The following GALC variants were observed in gnomAD, a reference collection of about 807,000 sequenced individuals.
The protein encoded by GALC is galactosylceramidase, also known as galactocerebrosidase.
A neutral mutation model predicts 91.8 loss-of-function variants in GALC; 77 were observed. The ratio of observed to expected loss-of-function variants is 0.84; its 90% CI spans 0.70 to 1.01. The LOEUF (loss-of-function observed/expected upper bound fraction) is 1.01. Ranked by LOEUF, GALC falls within the 50% of genes least tolerant of loss-of-function variation. The pLI, the probability that GALC is intolerant of heterozygous loss-of-function variation, is 0.00. For missense variants in GALC, 882 were observed against 855.9 expected (o/e 1.03, Z -0.38); for synonymous variants, 357 against 306.7 (o/e 1.16, Z -1.71).
intron 10 of GALC, among the ~76,000 whole-genome samples, chr14:87,957,101 T>G (rs1254554272): frequency 6.6e-6 from 1 of 152,088 alleles, no homozygotes; most frequent in Non-Finnish European, 1.5e-5. Context: ...CCTGCCACTT[T>G]TTAATGGGAT....
At position 87,933,875 on chromosome 14, in the gene GALC, T is replaced by A; in HGVS notation, c.*857A>T. 1 of 932,110 alleles carries A rather than the reference T, an allele frequency of 1.1e-6. No individual in the cohort carries two copies. The highest frequency in any genetic ancestry group is 1.6e-6 in the Non-Finnish European group (1 of 609,948). The allele number at this position is 932,110 out of a possible 1,614,324, so 57.7% of individuals were successfully genotyped here. On this transcript the variant is annotated 3_prime_UTR_variant, in exon 17 of 17. Transcript: ENST00000261304. ...TCCACACATAAGGAGAGAAAAGCAT[T>A]CATCAGCTGTGTGAGTCTGTTACCA...
chr14:87,990,084 T>G (rs75702133), intron 1 of GALC, among the ~76,000 whole-genome samples: 17,203 of 152,218 alleles, frequency 0.11, 1,142 homozygotes, highest in Non-Finnish European at 0.16. Flanking sequence ...ACTGATTTGA[T>G]GTAAGCGCCT....
At chr14:87,980,468 A>G in intron 6 of GALC, 1 of 977,000 alleles carries the variant, frequency 1.0e-6, no homozygotes, top group Non-Finnish European at 1.2e-6. Flanking sequence ...TGTCTAATCC[A>G]TCTTTCATGA....
Position 87,933,778 on chromosome 14 carries a change from T to C in GALC, c.*954A>G, listed in dbSNP as rs1884455605. ...TATTTAAATATAAACATATTTGGAC[T>C]TTAAAAAGTAAGTACATCTTAGGAG... On this transcript the variant is annotated 3_prime_UTR_variant, in exon 17 of 17. Transcript: ENST00000261304. The C allele has an allele frequency of 2.0e-6, 1 of 509,146 alleles. No homozygotes were observed. Among genetic ancestry groups the C allele is most frequent in the Non-Finnish European group, 3.5e-6 (1 of 287,140 alleles). 31.5% of individuals were successfully genotyped at this position (509,146 alleles called of 1,614,324 possible).
chr14:87,991,016 C>T (rs1887175437), intron 1 of GALC, among the ~76,000 whole-genome samples: 1 of 152,142 alleles, frequency 6.6e-6, no homozygotes, highest in South Asian at 2.1e-4. Flanking sequence ...GGTCTATCCT[C>T]ACGGCGCTCC....
At chr14:87,954,043 G>A in intron 10 of GALC, 3 of 1,609,764 alleles carry the variant, frequency 1.9e-6, no homozygotes, top group Non-Finnish European at 2.5e-6. Context: ...CAATGGGTTG[G>A]CGAGACAGTA....
chr14:87,954,345 C>G, intron 10 of GALC: 1 of 1,601,314 alleles, frequency 6.2e-7, no homozygotes. Context: ...AGGACAGAAG[C>G]AGAAAAAGTT....
chr14:87,953,565 G>A, intron 10 of GALC: 1 of 1,609,520 alleles, frequency 6.2e-7, no homozygotes, highest in Non-Finnish European at 8.5e-7. Context: ...GTATTGAGTT[G>A]TGTAGCTCAG....
chr14:87,947,706 A>C lies in GALC; in HGVS notation c.1489+22T>G, dbSNP rs1391435811. The C allele has an allele frequency of 8.1e-6, 13 of 1,607,040 alleles. No homozygotes were observed. In the Admixed American group the frequency reaches 2.0e-4, roughly 25 times the overall value. On this transcript the variant is annotated intron_variant, in intron 13 of 16. Coordinates refer to ENST00000261304, the MANE Select transcript of GALC (RefSeq NM_000153.4). ...ACTGTTAAATATAGAGACCAAGTTA[A>C]GTTTTAGTGAAAAATACTCACCAAC...
In GALC at chr14:87,948,263, T is replaced by A. The variant is rs114537719; in HGVS notation, c.1339-385A>T. Reference sequence around the variant, plus strand: ...TAATTTACTAAGGTAAAAAAATTCATAAAATATCACTGTCGACCCAGCTGT... The same window carrying A: ...TAATTTACTAAGGTAAAAAAATTCAAAAAATATCACTGTCGACCCAGCTGT... On this transcript the variant is annotated intron_variant, in intron 12 of 16. Coordinates refer to ENST00000261304, the MANE Select transcript of GALC (RefSeq NM_000153.4). Among the ~76,000 whole-genome samples, 680 of 152,182 alleles carry A rather than the reference T, an allele frequency of 4.5e-3. 4 individuals are homozygous for A. Among genetic ancestry groups the A allele is most frequent in the African/African-American group, 0.016 (644 of 41,548 alleles).
intron 1 of GALC, chr14:87,992,715 CACCTATACTCTCTGG>C (rs1887257968): frequency 1.7e-5 from 25 of 1,429,378 alleles, no homozygotes; most frequent in Non-Finnish European, 2.2e-5. Context: ...TTACTCTCTG[CACCTATACTCTCTGG>C]ACCTCCGGAT....
chr14:87,976,597 A>G lies in GALC; in HGVS notation c.622-109T>C. The G allele has an allele frequency of 3.3e-6, 3 of 921,134 alleles. No individual in the cohort carries two copies. In the South Asian group the frequency reaches 4.2e-5, roughly 13 times the overall value. The allele number at this position is 921,134 out of a possible 1,614,324, so 57.1% of individuals were successfully genotyped here. A position where few individuals can be genotyped will look rare whatever the true frequency, so the allele number is the denominator to read the frequency against. On this transcript the variant is annotated intron_variant, in intron 6 of 16. Transcript: ENST00000261304. ...TCTTTACAAATCAGCGTTCTGGATA[A>G]TAGCTTCTTTTGTTTGTTTGTTTGT...
At chr14:87,978,704 A>G (rs1886613797) in intron 6 of GALC, among the ~76,000 whole-genome samples, 1 of 149,086 alleles carries the variant, frequency 6.7e-6, no homozygotes, top group Non-Finnish European at 1.5e-5. Flanking sequence ...ATGAAGGTCC[A>G]AAGACCCAGG....
At chr14:87,960,519 C>A (rs186076388) in intron 10 of GALC, among the ~76,000 whole-genome samples, 10 of 152,126 alleles carry the variant, frequency 6.6e-5, no homozygotes. Flanking sequence ...TACCCTGTGT[C>A]AATAAAAAAT....
chr14:87,950,636 TA>T, intron 11 of GALC, 22 bp downstream of exon 11: 1 of 1,403,686 alleles, frequency 7.1e-7, no homozygotes, highest in Non-Finnish European at 1.0e-6. Context: ...AAAACTAAAA[TA>T]AAGTTAAACA....
intron 6 of GALC, among the ~76,000 whole-genome samples, chr14:87,980,899 C>A (rs1448203920): frequency 6.6e-6 from 1 of 152,128 alleles, no homozygotes; most frequent in Non-Finnish European, 1.5e-5. Flanking sequence ...ATGTATTGAA[C>A]CTTATCTACT....
intron 3 of GALC, chr14:87,986,820 C>G (rs1886995516): frequency 1.8e-6 from 1 of 559,804 alleles, no homozygotes; most frequent in East Asian, 3.2e-5. Flanking sequence ...TTGTAAAAGT[C>G]TTAATAAAAC....
At chr14:87,973,270 T>C (rs1031559804) in intron 7 of GALC, among the ~76,000 whole-genome samples, 6 of 152,184 alleles carry the variant, frequency 3.9e-5, no homozygotes, top group Admixed American at 1.3e-4. Context: ...AATAGATAAT[T>C]ACACTTCTGA....
intron 3 of GALC, chr14:87,986,880 T>A: frequency 2.2e-6 from 1 of 453,760 alleles, no homozygotes; most frequent in Non-Finnish European, 4.1e-6. Flanking sequence ...TCACCTCATA[T>A]AACTAAAAAT....
Sources: allele counts gnomAD v4.1 joint callset (sites outside exome capture counted in the v4.1 genomes callset), GRCh38; gene constraint gnomAD v4.1.1; transcripts MANE v1.5; gene names NCBI Gene and HGNC (gene_info 2026-07-23, HGNC 2026-07-21).